Variants in GFPT2 observed in about 807,000 individuals in gnomAD.
GFPT2 encodes the protein glutamine--fructose-6-phosphate aminotransferase [isomerizing] 2.
In GFPT2, 62 loss-of-function variants were observed where a neutral mutation model predicts 85.6. That is an observed-to-expected ratio of 0.72 (90% CI 0.59 to 0.90). The LOEUF is 0.90. Among genes scored for constraint, GFPT2 ranks in the 40% least tolerant of loss-of-function variants. The pLI, the probability that GFPT2 is intolerant of heterozygous loss-of-function variation, is 0.00. For missense variants in GFPT2, 788 were observed against 893.4 expected (o/e 0.88, Z 1.50); for synonymous variants, 368 against 344.5 (o/e 1.07, Z -0.75).
chr5:180,342,414 T>G (rs953740318), intron 1 of GFPT2, among the ~76,000 whole-genome samples: 5 of 148,000 alleles, frequency 3.4e-5, no homozygotes, highest in South Asian at 2.2e-4. Flanking sequence ...AATGTTTTTT[T>G]TTTTTTTTTT....
intron 15 of GFPT2, among the ~76,000 whole-genome samples, chr5:180,310,099 CGT>C (rs1204266370): frequency 6.6e-6 from 1 of 151,018 alleles, no homozygotes; most frequent in Non-Finnish European, 1.5e-5. Context: ...CATGAGCCAC[CGT>C]GCCCAGCCTT....
chr5:180,301,962 G>A (rs983542397), intron 18 of GFPT2, among the ~76,000 whole-genome samples: 43 of 151,002 alleles, frequency 2.8e-4, no homozygotes, highest in African/African-American at 1.0e-3. Context: ...TGTTTAGGGT[G>A]GAGTGGGAAG....
intron 1 of GFPT2, 128 bp downstream of exon 1, chr5:180,353,083 G>T: frequency 1.3e-6 from 1 of 748,586 alleles, no homozygotes; most frequent in Non-Finnish European, 1.8e-6. Flanking sequence ...CTCGGTAGGG[G>T]CCCGGGGCAG....
At chr5:180,311,742 T>C (rs1763885120) in intron 15 of GFPT2, among the ~76,000 whole-genome samples, 1 of 151,778 alleles carries the variant, frequency 6.6e-6, no homozygotes, top group African/African-American at 2.4e-5. Context: ...AGGTGTGTTA[T>C]GAAAAAAATA....
chr5:180,316,236 G>A (rs1352527496), intron 13 of GFPT2, 105 bp downstream of exon 13: 42 of 1,154,360 alleles, frequency 3.6e-5, no homozygotes, highest in South Asian at 1.2e-4. Context: ...GAGAGGGTTC[G>A]CAGCACAGGG....
chr5:180,327,933 G>A (rs1233516486), intron 7 of GFPT2, among the ~76,000 whole-genome samples: 1 of 152,142 alleles, frequency 6.6e-6, no homozygotes, highest in Non-Finnish European at 1.5e-5. Flanking sequence ...TTCTTAAAGG[G>A]GGGCCCACAT....
chr5:180,342,826 C>T (rs1464029505), intron 1 of GFPT2, among the ~76,000 whole-genome samples: 4 of 149,244 alleles, frequency 2.7e-5, no homozygotes, highest in East Asian at 2.1e-4. Context: ...CTCTTGAACT[C>T]GGGAGGCAGA....
intron 13 of GFPT2, among the ~76,000 whole-genome samples, chr5:180,315,455 G>GCACAGGGTAGCCATGCA (rs1319948025): frequency 6.6e-6 from 1 of 152,188 alleles, no homozygotes; most frequent in Non-Finnish European, 1.5e-5. Flanking sequence ...TGGGATTACA[G>GCACAGGGTAGCCATGCA]GCGTGAGCCA....
Position 180,313,942 on chromosome 5 carries a change from CAGG to C in GFPT2, c.1293_1295del (p.Leu432del). ...CGCGGTCCTTACAGTAGCGCAGCGC[CAGG>C]AGGGTGTCCGCGGTCTCGCCTGCCG... On this transcript the variant is annotated inframe_deletion, in exon 14 of 19. Coordinates refer to ENST00000253778, the MANE Select transcript of GFPT2 (RefSeq NM_005110.4). The C allele has an allele frequency of 6.2e-7, 1 of 1,602,098 alleles. No individual in the cohort carries two copies. The highest frequency in any genetic ancestry group is 8.5e-7 in the Non-Finnish European group (1 of 1,178,886).
intron 13 of GFPT2, among the ~76,000 whole-genome samples, 156 bp downstream of exon 13, chr5:180,316,185 G>A (rs1417614429): frequency 1.3e-5 from 2 of 151,774 alleles, no homozygotes; most frequent in Non-Finnish European, 3.0e-5. Flanking sequence ...GTACAATGGC[G>A]ACAGTAATCC....
At chr5:180,319,043 C>T in intron 9 of GFPT2, 87 bp from the exon 10 acceptor site, 1 of 1,294,644 alleles carries the variant, frequency 7.7e-7, no homozygotes, top group Non-Finnish European at 1.1e-6. Flanking sequence ...AGCGTGGAGG[C>T]CACATCGTTG....
In GFPT2 at chr5:180,310,800, G is replaced by A. The variant is rs532049304; in HGVS notation, c.1546+1630C>T. 1.5e-4 allele frequency among the ~76,000 whole-genome samples: 17 copies of A among 114,610 alleles called. 1 individual carries two copies. In the South Asian group the frequency reaches 5.1e-3, roughly 34 times the overall value. 75.2% of individuals were successfully genotyped at this position (114,610 alleles called of 152,430 possible). ...TCTAGTGTGCTGGGTGCCGGGCACA[G>A]CCACCACTGCCTTTGCAAATGTGGA... is the stretch of plus-strand genomic sequence containing the variant. On this transcript the variant is annotated intron_variant, in intron 15 of 18. Coordinates refer to ENST00000253778, the MANE Select transcript of GFPT2 (RefSeq NM_005110.4).
intron 13 of GFPT2, 126 bp from the exon 14 acceptor site, chr5:180,314,090 G>T: frequency 1.1e-6 from 1 of 915,120 alleles, no homozygotes; most frequent in Non-Finnish European, 1.6e-6. Context: ...CGGGTGTTCA[G>T]AAAGGAAAAC....
chr5:180,348,732 C>CTTTTTT (rs11322913), intron 1 of GFPT2, among the ~76,000 whole-genome samples: 1 of 139,802 alleles, frequency 7.2e-6, no homozygotes, highest in Non-Finnish European at 1.6e-5. Context: ...CATTTCTTTT[C>CTTTTTT]TTTTTTTTTT....
chr5:180,348,100 T>A (rs1764645990), intron 1 of GFPT2, among the ~76,000 whole-genome samples: 1 of 152,140 alleles, frequency 6.6e-6, no homozygotes, highest in Non-Finnish European at 1.5e-5. Context: ...TCTGTCTTTC[T>A]CCCACCATCT....
chr5:180,321,932 C>T (rs377096893), intron 9 of GFPT2, among the ~76,000 whole-genome samples: 9 of 152,180 alleles, frequency 5.9e-5, no homozygotes, highest in Admixed American at 4.6e-4. Flanking sequence ...TACAGGCCTC[C>T]GCCACCACGC....
chr5:180,336,202 A>G (rs1175604335), intron 3 of GFPT2: 8 of 576,164 alleles, frequency 1.4e-5, no homozygotes, highest in Non-Finnish European at 2.1e-5. Context: ...ATATATCCCT[A>G]CCATAAACAG....
At chr5:180,324,426 C>G (rs1194479959) in intron 8 of GFPT2, 121 bp from the exon 9 acceptor site, 1 of 642,088 alleles carries the variant, frequency 1.6e-6, no homozygotes, top group East Asian at 2.6e-5. Flanking sequence ...TTAGCTTTGG[C>G]TGTGTCAGCC....
chr5:180,316,156 G>C (rs1764004068), intron 13 of GFPT2, among the ~76,000 whole-genome samples, 185 bp downstream of exon 13: 1 of 152,172 alleles, frequency 6.6e-6, no homozygotes, highest in Non-Finnish European at 1.5e-5. Context: ...CATGGCCTTA[G>C]ACATCTCTTG....
Sources: allele counts gnomAD v4.1 joint callset (sites outside exome capture counted in the v4.1 genomes callset), GRCh38; gene constraint gnomAD v4.1.1; transcripts MANE v1.5; gene names NCBI Gene and HGNC (gene_info 2026-07-23, HGNC 2026-07-21).